Variants in ASCC3 observed in about 807,000 individuals in gnomAD.
The protein encoded by ASCC3 is ASC-1 complex subunit P200.
In ASCC3, 158 loss-of-function variants were observed where a neutral mutation model predicts 256.3. The observed-to-expected ratio is 0.62, with a 90% CI of 0.54 to 0.70. ASCC3 has a LOEUF of 0.70. ASCC3 is among the 30% of genes least tolerant of loss of function. The probability of loss-of-function intolerance (pLI) is 0.00; values close to 1 mark genes in which losing one functional copy is unlikely to be tolerated. For synonymous variants in ASCC3, 948 were observed against 883.4 expected, an observed-to-expected ratio of 1.07 and a Z score of -1.30; for missense variants, 2,259 against 2,626.0, an observed-to-expected ratio of 0.86 and a Z score of 3.05.
At chr6:100,778,103 G>GAA (rs34451852) in intron 8 of ASCC3, among the ~76,000 whole-genome samples, 133 of 147,066 alleles carry the variant, frequency 9.0e-4, no homozygotes, top group South Asian at 4.3e-3. Flanking sequence ...TAAGATGGTG[G>GAA]AAAAAAAAAA....
chr6:100,827,528 T>G (rs1326405255), intron 4 of ASCC3, among the ~76,000 whole-genome samples: 2 of 152,204 alleles, frequency 1.3e-5, no homozygotes, highest in Non-Finnish European at 2.9e-5. Context: ...TTTTTATCAC[T>G]GAATCATATT....
chr6:100,676,739 C>T (rs567064735), intron 14 of ASCC3, among the ~76,000 whole-genome samples: 46 of 133,998 alleles, frequency 3.4e-4, no homozygotes, highest in South Asian at 3.2e-3. Context: ...TATGTGTGCG[C>T]GCGCGTGCGC....
At chr6:100,706,115 A>T (rs969453714) in intron 13 of ASCC3, among the ~76,000 whole-genome samples, 5 of 151,888 alleles carry the variant, frequency 3.3e-5, no homozygotes, top group African/African-American at 1.2e-4. Context: ...TGACATACAC[A>T]TATAGTTAGA....
chr6:100,592,648 C>T (rs988391715), intron 34 of ASCC3, among the ~76,000 whole-genome samples: 1 of 151,968 alleles, frequency 6.6e-6, no homozygotes, highest in Non-Finnish European at 1.5e-5. Context: ...CATAATACAG[C>T]CTTTACTTCT....
intron 5 of ASCC3, among the ~76,000 whole-genome samples, chr6:100,802,187 T>C (rs982970975): frequency 6.6e-6 from 1 of 152,040 alleles, no homozygotes; most frequent in East Asian, 1.9e-4. Context: ...TTTAAATGTA[T>C]GGTTCTCCTT....
At chr6:100,690,500 A>G (rs1777793124) in intron 13 of ASCC3, among the ~76,000 whole-genome samples, 1 of 152,150 alleles carries the variant, frequency 6.6e-6, no homozygotes. Flanking sequence ...AGGGCTAAAA[A>G]TGATAAATGT....
intron 37 of ASCC3, among the ~76,000 whole-genome samples, chr6:100,532,336 G>A (rs1408525953): frequency 1.5e-4 from 2 of 13,062 alleles, no homozygotes; most frequent in Admixed American, 9.0e-4. Flanking sequence ...GCTATCTTGC[G>A]TGTGTGTGTG....
rs752511162 is a variant in ASCC3 at position 100,718,091 on chromosome 6, A to G, written c.2063T>C (p.Ile688Thr). The change falls in exon 12 of 42, where the codon ATT becomes ACT. Residue 688 changes from isoleucine (I) to threonine (T), a missense_variant. Physicochemically the swap from Ile to Thr is moderately conservative, Grantham distance 89 (BLOSUM62 -1). Transcript: ENST00000369162. ...AGTATTTACCTTATTTGCACATTTA[A>G]TCCCCAAAAATGTCTGTCCAAGAGG... is the stretch of plus-strand genomic sequence containing the variant. ...PVPLGQTFLG[I>T]KCANKMQQLN... 2 of 1,613,304 alleles carry G rather than the reference A, an allele frequency of 1.2e-6. No homozygotes were observed. Among genetic ancestry groups the G allele is most frequent in the East Asian group, 4.5e-5 (2 of 44,834 alleles).
At chr6:100,597,936 T>C (rs1772390327) in intron 34 of ASCC3, among the ~76,000 whole-genome samples, 1 of 139,802 alleles carries the variant, frequency 7.2e-6, no homozygotes, top group South Asian at 2.2e-4. Flanking sequence ...ATAGCGCCAC[T>C]GCACTCCAGC....
chr6:100,661,135 G>A (rs2114930324), intron 16 of ASCC3, among the ~76,000 whole-genome samples: 1 of 151,628 alleles, frequency 6.6e-6, no homozygotes. Context: ...AACTTTAAAG[G>A]TATGAAAGAA....
chr6:100,711,464 CGCCTG>C (rs1287216190), intron 13 of ASCC3, among the ~76,000 whole-genome samples: 1 of 152,148 alleles, frequency 6.6e-6, no homozygotes, highest in African/African-American at 2.4e-5. Context: ...TGGTGGCTCA[CGCCTG>C]TAATCCCAGC....
chr6:100,838,929 C>T (rs987208300), intron 4 of ASCC3, among the ~76,000 whole-genome samples: 3 of 152,052 alleles, frequency 2.0e-5, no homozygotes, highest in Non-Finnish European at 2.9e-5. Context: ...TGAATGCTTA[C>T]AGCAATTTCT....
intron 30 of ASCC3, among the ~76,000 whole-genome samples, chr6:100,609,382 A>G (rs1375134270): frequency 6.6e-6 from 1 of 152,042 alleles, no homozygotes; most frequent in East Asian, 1.9e-4. Flanking sequence ...TACATTTAGT[A>G]TATTCACAAT....
intron 34 of ASCC3, among the ~76,000 whole-genome samples, chr6:100,597,973 CA>C (rs34634494): frequency 0.36 from 31,823 of 88,186 alleles, 3,163 homozygotes; most frequent in Middle Eastern, 0.51. Flanking sequence ...GACTCCGTCT[CA>C]AAAAAAAAAA....
intron 23 of ASCC3, among the ~76,000 whole-genome samples, chr6:100,643,087 G>A (rs1462838435): frequency 6.6e-6 from 1 of 151,886 alleles, no homozygotes; most frequent in Non-Finnish European, 1.5e-5. Flanking sequence ...TTACCATATT[G>A]TTTACTTAAT....
intron 3 of ASCC3, among the ~76,000 whole-genome samples, chr6:100,855,244 G>C (rs1481994188): frequency 6.6e-6 from 1 of 152,028 alleles, no homozygotes; most frequent in Non-Finnish European, 1.5e-5. Context: ...CTCCCGAGTA[G>C]CTGGGACTAC....
At chr6:100,868,844 A>C (rs1340236790) in intron 1 of ASCC3, among the ~76,000 whole-genome samples, 1 of 152,102 alleles carries the variant, frequency 6.6e-6, no homozygotes, top group African/African-American at 2.4e-5. Flanking sequence ...ATACCGGGAA[A>C]GAGAGAATTC....
chr6:100,622,209 T>C (rs759488989), intron 30 of ASCC3, among the ~76,000 whole-genome samples: 38 of 152,202 alleles, frequency 2.5e-4, no homozygotes, highest in Non-Finnish European at 5.0e-4. Context: ...GGTTAGGCTT[T>C]GTGACCCTAA....
At chr6:100,553,293 CTATT>C (rs1302310245) in intron 36 of ASCC3, among the ~76,000 whole-genome samples, 2 of 152,120 alleles carry the variant, frequency 1.3e-5, no homozygotes, top group Admixed American at 6.6e-5. Context: ...GTAGGACACT[CTATT>C]TACCTCCAAA....
Sources: gnomAD v4.1 joint callset for allele counts (sites outside exome capture counted in the v4.1 genomes callset) on GRCh38, gnomAD v4.1.1 for gene constraint, MANE v1.5 for transcripts, NCBI Gene and HGNC (gene_info 2026-07-23, HGNC 2026-07-21) for gene names.